The following DIAPH1 variants were observed in gnomAD, a reference collection of about 807,000 sequenced individuals.
The protein encoded by DIAPH1 is diaphanous related formin 1, also known as protein diaphanous homolog 1.
Under a neutral mutation model 140.7 loss-of-function variants are expected in DIAPH1, and 46 were observed. That is an observed-to-expected ratio of 0.33 (90% confidence interval 0.26 to 0.42). DIAPH1 has a LOEUF of 0.42. DIAPH1 is among the 10% of genes least tolerant of loss of function. The probability of loss-of-function intolerance (pLI) is 1.00; values close to 1 mark genes in which losing one functional copy is unlikely to be tolerated. For missense variants in DIAPH1, 1,310 were observed against 1,558.7 expected (o/e 0.84, Z 2.69); for synonymous variants, 565 against 551.6 (o/e 1.02, Z -0.34).
intron 18 of DIAPH1, among the ~76,000 whole-genome samples, chr5:141,557,103 T>C (rs915184006): frequency 5.9e-5 from 9 of 152,198 alleles, no homozygotes; most frequent in African/African-American, 2.2e-4. Context: ...ATGTGTAGAC[T>C]TTATTTGGCT....
At chr5:141,601,584 C>T (rs1440152563) in intron 1 of DIAPH1, among the ~76,000 whole-genome samples, 8 of 152,158 alleles carry the variant, frequency 5.3e-5, no homozygotes, top group Non-Finnish European at 1.5e-5. Context: ...GCCACCGCAC[C>T]GGGACTATAT....
At chr5:141,530,141 A>C (rs2099887990) in intron 19 of DIAPH1, among the ~76,000 whole-genome samples, 1 of 152,180 alleles carries the variant, frequency 6.6e-6, no homozygotes, top group Non-Finnish European at 1.5e-5. Context: ...CCCCACTCTC[A>C]GGACGTGATC....
intron 1 of DIAPH1, among the ~76,000 whole-genome samples, chr5:141,595,663 C>T (rs1596400515): frequency 6.6e-6 from 1 of 152,278 alleles, no homozygotes; most frequent in East Asian, 1.9e-4. Context: ...CCTTTGCCTT[C>T]CATCATGATT....
Position 141,591,695 on chromosome 5 carries a change from G to GATATATATAT in DIAPH1, c.118-3455_118-3446dup, listed in dbSNP as rs56117502. On this transcript the variant is annotated intron_variant, in intron 1 of 27. Coordinates refer to ENST00000389054, the MANE Select transcript of DIAPH1 (RefSeq NM_005219.5). ...TGGAAAAGGAAGGAAGGGAGATGGG[G>GATATATATAT]ATATATATATATATATATATATATA... Among the ~76,000 whole-genome samples the GATATATATAT allele has an allele frequency of 5.7e-3, 493 of 86,258 alleles. 30 individuals carry two copies. Among genetic ancestry groups the GATATATATAT allele is most frequent in the Middle Eastern group, 0.014 (2 of 138 alleles). 56.6% of individuals were successfully genotyped at this position (86,258 alleles called of 152,430 possible).
intron 7 of DIAPH1, among the ~76,000 whole-genome samples, chr5:141,581,552 A>G (rs959091617): frequency 2.6e-5 from 4 of 152,262 alleles, no homozygotes; most frequent in African/African-American, 9.6e-5. Flanking sequence ...ATCCAATGGA[A>G]TAAGTTAATT....
At chr5:141,555,959 A>G (rs895094873) in intron 18 of DIAPH1, among the ~76,000 whole-genome samples, 1 of 152,216 alleles carries the variant, frequency 6.6e-6, no homozygotes, top group Non-Finnish European at 1.5e-5. Context: ...CTTGCCAAGA[A>G]GCCAGACCCT....
intron 1 of DIAPH1, among the ~76,000 whole-genome samples, chr5:141,598,510 TC>T (rs2099899663): frequency 6.6e-6 from 1 of 152,224 alleles, no homozygotes; most frequent in Non-Finnish European, 1.5e-5. Context: ...TTGGCTGGGT[TC>T]TTCTCTGCAC....
intron 1 of DIAPH1, among the ~76,000 whole-genome samples, chr5:141,592,059 G>A (rs1014421915): frequency 4.0e-5 from 6 of 149,656 alleles, no homozygotes; most frequent in African/African-American, 9.8e-5. Context: ...TCCAGTCTGG[G>A]TGACAGAGCG....
At chr5:141,545,940 A>G (rs1206167654) in intron 18 of DIAPH1, among the ~76,000 whole-genome samples, 25 of 152,234 alleles carry the variant, frequency 1.6e-4, no homozygotes, top group Admixed American at 1.6e-3. Context: ...ATTTTAAAGG[A>G]ATATAGTAAG....
Position 141,583,214 on chromosome 5 carries a change from C to A in DIAPH1, c.612G>T (p.Glu204Asp). Residue 204 changes from glutamate to aspartate, a missense_variant, in exon 6 of 28, where the codon GAG (glutamate) becomes GAT (aspartate). Around this residue, in one of 3 missense-constraint regions of DIAPH1, gnomAD observed 377 missense variants for 497.1 expected, o/e 0.76. Transcript: ENST00000389054. ...GACTTGGAAGTCCTCACCCAGCAGT[C>A]TCTTCTTTCTCATCATGAAGTCGTT... is the stretch of plus-strand genomic sequence containing the variant. ...ILKRLHDEKEETAGSYDSRNK... is the reference protein window; with the variant it reads ...ILKRLHDEKEDTAGSYDSRNK... The A allele has an allele frequency of 6.2e-7, 1 of 1,614,146 alleles. No individual in the cohort carries two copies. Among genetic ancestry groups the A allele is most frequent in the South Asian group, 1.1e-5 (1 of 91,078 alleles).
At chr5:141,568,290 CA>C (rs77400407) in intron 18 of DIAPH1, among the ~76,000 whole-genome samples, 5,211 of 84,692 alleles carry the variant, frequency 0.062, 74 homozygotes, top group Middle Eastern at 0.1. Context: ...GAAAATGAAA[CA>C]AAAAAAAAAA....
intron 11 of DIAPH1, 183 bp downstream of exon 11, chr5:141,578,042 T>C (rs1392833951): frequency 1.5e-6 from 1 of 675,694 alleles, no homozygotes; most frequent in South Asian, 1.6e-5. Flanking sequence ...CTGACTTCCC[T>C]GATCTATGAT....
At chr5:141,608,624 C>T (rs559941391) in intron 1 of DIAPH1, among the ~76,000 whole-genome samples, 1 of 152,318 alleles carries the variant, frequency 6.6e-6, no homozygotes, top group Admixed American at 6.5e-5. Context: ...AACAGAAACT[C>T]TTCCCTACTC....
At chr5:141,550,507 T>A (rs1385043646) in intron 18 of DIAPH1, 1 of 154,424 alleles carries the variant, frequency 6.5e-6, no homozygotes, top group East Asian at 1.9e-4. Context: ...TCCTTGGGAA[T>A]CAGCAAGAAA....
intron 1 of DIAPH1, among the ~76,000 whole-genome samples, chr5:141,608,527 G>C (rs1335639156): frequency 6.6e-6 from 1 of 152,130 alleles, no homozygotes; most frequent in Non-Finnish European, 1.5e-5. Flanking sequence ...ATTTCTTAAA[G>C]AGCAAGAACT....
intron 18 of DIAPH1, chr5:141,535,996 A>G: frequency 2.1e-6 from 1 of 470,084 alleles, no homozygotes; most frequent in South Asian, 1.6e-5. Context: ...GGTACAAAGA[A>G]CTATAAAACA....
chr5:141,527,501 T>C, intron 24 of DIAPH1, 72 bp downstream of exon 24: 1 of 1,557,288 alleles, frequency 6.4e-7, no homozygotes, highest in Non-Finnish European at 8.8e-7. Flanking sequence ...CTATCTATCC[T>C]GTTTTTCCCC....
chr5:141,580,659 A>C (rs2099896617), intron 8 of DIAPH1, 85 bp downstream of exon 8: 1 of 1,380,552 alleles, frequency 7.2e-7, no homozygotes, highest in African/African-American at 1.4e-5. Flanking sequence ...GACCGAGAGG[A>C]CACCCAACCA....
chr5:141,543,256 C>T (rs2099890276), intron 18 of DIAPH1, among the ~76,000 whole-genome samples: 1 of 152,112 alleles, frequency 6.6e-6, no homozygotes, highest in South Asian at 2.1e-4. Flanking sequence ...GTGAAAGAAG[C>T]CAGACACAAA....
Sources: allele counts gnomAD v4.1 joint callset (sites outside exome capture counted in the v4.1 genomes callset), GRCh38; gene constraint gnomAD v4.1.1; regional missense constraint gnomAD v4.1.1; transcripts MANE v1.5; gene names NCBI Gene and HGNC (gene_info 2026-07-23, HGNC 2026-07-21).